The following EPG5 variants were observed in gnomAD, a reference collection of about 807,000 sequenced individuals.
The protein encoded by EPG5 is ectopic P-granules 5 autophagy tethering factor, also known as ectopic P granules protein 5 homolog.
EPG5 carries 159 observed loss-of-function variants against 302.7 expected under a neutral mutation model. The observed-to-expected ratio is 0.53, with a 90% CI of 0.46 to 0.60. The LOEUF (loss-of-function observed/expected upper bound fraction) is 0.60. Among genes scored for constraint, EPG5 ranks in the 20% least tolerant of loss-of-function variants. The pLI is 0.00. For missense variants in EPG5, 2,896 were observed against 3,092.4 expected (o/e 0.94, Z 1.51); for synonymous variants, 1,158 against 1,136.8 (o/e 1.02, Z -0.37).
At chr18:45,887,967 C>T in intron 28 of EPG5, 60 bp from the exon 29 acceptor site, 1 of 1,271,976 alleles carries the variant, frequency 7.9e-7, no homozygotes, top group Middle Eastern at 2.5e-4. Flanking sequence ...CTCACAAGGC[C>T]TTCTTTGATA....
Position 45,909,451 on chromosome 18 carries a change from G to A in EPG5, c.4205+1070C>T, listed in dbSNP as rs189989588. Reference sequence around the variant, plus strand: ...CTGACAGAGAGTCGTAAAAGGTTGAGGGCAAATAAACCTAAGGCCTCAGTG... The same window carrying A: ...CTGACAGAGAGTCGTAAAAGGTTGAAGGCAAATAAACCTAAGGCCTCAGTG... On this transcript the variant is annotated intron_variant, in intron 23 of 43. Transcript: ENST00000282041. 2.2e-3 allele frequency among the ~76,000 whole-genome samples: 340 copies of A among 152,276 alleles called. 1 individual carries two copies. Among genetic ancestry groups the A allele is most frequent in the African/African-American group, 7.8e-3 (323 of 41,574 alleles).
chr18:45,923,220 T>C (rs2145764413), intron 15 of EPG5, 48 bp downstream of exon 15: 1 of 1,597,132 alleles, frequency 6.3e-7, no homozygotes, highest in East Asian at 2.2e-5. Flanking sequence ...TCTAAATGTC[T>C]TGGGAAGATA....
intron 25 of EPG5, among the ~76,000 whole-genome samples, chr18:45,903,447 C>T (rs894985267): frequency 2.6e-5 from 4 of 152,272 alleles, no homozygotes; most frequent in African/African-American, 9.6e-5. Context: ...AGGTATTCTG[C>T]ATTTCTCTGA....
At chr18:45,876,665 T>C (rs2048976851) in intron 34 of EPG5, among the ~76,000 whole-genome samples, 1 of 151,302 alleles carries the variant, frequency 6.6e-6, no homozygotes, top group Admixed American at 6.6e-5. Context: ...TCAAATGCCG[T>C]AGAAAAACAC....
At position 45,939,730 on chromosome 18, in the gene EPG5, G is replaced by T; in HGVS notation, c.1969C>A (p.His657Asn). 3 of 1,613,786 alleles carry T rather than the reference G, an allele frequency of 1.9e-6. No homozygotes were observed. Among genetic ancestry groups the T allele is most frequent in the South Asian group, 2.2e-5 (2 of 91,064 alleles). Residue 657 changes from histidine to asparagine, a missense_variant, in exon 10 of 44, where the codon CAT becomes AAT. Around this residue, in one of 5 missense-constraint regions of EPG5, gnomAD observed 1,390 missense variants for 1,430.0 expected, o/e 0.97. Transcript: ENST00000282041. ...IRMTLGYVSDHWAQYVSHNQG... is the reference protein window; with the variant it reads ...IRMTLGYVSDNWAQYVSHNQG... ...TTATGGCTCACATACTGTGCCCAAT[G>T]GTCACTTACATAACCAAGAGTCATC...
At chr18:45,916,295 A>G in intron 18 of EPG5, 89 bp from the exon 19 acceptor site, 1 of 1,519,242 alleles carries the variant, frequency 6.6e-7, no homozygotes, top group South Asian at 1.3e-5. Context: ...CCTCCACTAC[A>G]AATCCCAAAT....
chr18:45,943,181 C>T lies in EPG5; in HGVS notation c.1923G>A (p.Lys641=). Residue 641 remains lysine (K), a synonymous_variant, in exon 9 of 44, where the codon AAG becomes AAA. Transcript: ENST00000282041. ...FNRARYRQFV[K]RIGYMIRMTL... ...ATTACCTGATCATATAACCAATTCG[C>T]TTCACAAACTGCCTATAGCGTGCTC... The T allele has an allele frequency of 6.2e-7, 1 of 1,614,140 alleles. No individual in the cohort carries two copies. Among genetic ancestry groups the T allele is most frequent in the South Asian group, 1.1e-5 (1 of 91,078 alleles).
At chr18:45,858,864 C>A in intron 40 of EPG5, 82 bp from the exon 41 acceptor site, 1 of 1,113,470 alleles carries the variant, frequency 9.0e-7, no homozygotes, top group South Asian at 1.4e-5. Flanking sequence ...TCACTTTAAG[C>A]TTCATGATTT....
intron 10 of EPG5, among the ~76,000 whole-genome samples, chr18:45,935,916 G>C (rs1368442594): frequency 6.6e-6 from 1 of 152,056 alleles, no homozygotes; most frequent in African/African-American, 2.4e-5. Flanking sequence ...TCCTTCCATG[G>C]GTCAAGCCCT....
At chr18:45,889,334 T>G (rs2049288784) in intron 28 of EPG5, among the ~76,000 whole-genome samples, 1 of 152,166 alleles carries the variant, frequency 6.6e-6, no homozygotes, top group Admixed American at 6.5e-5. Context: ...GAGTCCTAAT[T>G]CCCCTAAATA....
intron 30 of EPG5, among the ~76,000 whole-genome samples, chr18:45,883,754 C>A (rs930027133): frequency 6.7e-6 from 1 of 150,276 alleles, no homozygotes; most frequent in African/African-American, 2.4e-5. Flanking sequence ...CCACTGCACC[C>A]GACCAAAACT....
rs1250419564 is a variant in EPG5, at chr18:45,946,766, T to C, written c.1574A>G (p.Asn525Ser). ...CATGTGGCACATAAACTCAGCTCGA[T>C]TTCTAAAGGACAAGAATAATCACTC... ...SLALLMSPVK[N>S]RAEFMCHMKP... The change falls in exon 7 of 44, where the codon AAT becomes AGT. Residue 525 changes from asparagine to serine, a missense_variant and splice_region_variant. Physicochemically the swap from Asn to Ser is conservative, Grantham distance 46. This residue lies in a region of EPG5 where 1,390 missense variants were observed against 1,430.0 expected (regional missense o/e 0.97). Transcript: ENST00000282041. 1.2e-6 allele frequency: 2 copies of C among 1,614,010 alleles called. No homozygotes were observed. The highest frequency in any genetic ancestry group is 3.3e-5 in the Admixed American group (2 of 60,032).
Position 45,866,851 on chromosome 18 carries a change from G to A in EPG5, c.6568C>T (p.Leu2190Phe), listed in dbSNP as rs1280775043. 81 of 1,614,042 alleles carry A rather than the reference G, an allele frequency of 5.0e-5. No homozygotes were observed. Among genetic ancestry groups the A allele is most frequent in the Non-Finnish European group, 6.6e-5 (78 of 1,180,032 alleles). The change falls in exon 38 of 44, where the codon CTC becomes TTC. Residue 2190 changes from leucine (L) to phenylalanine (F), a missense_variant. Coordinates refer to ENST00000282041, the MANE Select transcript of EPG5 (RefSeq NM_020964.3). ...KESYAELIMKLLKVSAGLSIP... is the reference protein window; with the variant it reads ...KESYAELIMKFLKVSAGLSIP... ...GAAAGGCCCGCAGACACTTTTAGGA[G>A]CTTCATGATTAATTCAGCATAAGAT...
chr18:45,823,012 G>C, the EPG5 span, among the ~76,000 whole-genome samples: 1 of 152,276 alleles, frequency 6.6e-6, no homozygotes, highest in Non-Finnish European at 1.5e-5. Flanking sequence ...CCTAGGTCAA[G>C]GGATATACCT....
At chr18:45,846,755 G>A (rs576159510), downstream of EPG5, among the ~76,000 whole-genome samples, 31 of 152,260 alleles carry the variant, frequency 2.0e-4, no homozygotes, top group African/African-American at 7.2e-4. Flanking sequence ...AAGTAAAAGA[G>A]TAAGAAAATG....
chr18:45,878,919 G>A lies in EPG5; in HGVS notation c.5869+94C>T, dbSNP rs2049028030. 9 of 976,454 alleles carry A rather than the reference G, an allele frequency of 9.2e-6. No individual in the cohort carries two copies. The South Asian group carries it at 1.3e-4, about 14-fold the overall frequency. The allele number at this position is 976,454 out of a possible 1,614,324, so 60.5% of individuals were successfully genotyped here. On this transcript the variant is annotated intron_variant, in intron 33 of 43. Transcript: ENST00000282041. Reference sequence around the variant, plus strand: ...CTATATATTTCTACTTTCTCTCCTTGACACTCAATATAAATCTCTTAATGT... The same window carrying A: ...CTATATATTTCTACTTTCTCTCCTTAACACTCAATATAAATCTCTTAATGT...
Position 45,944,092 on chromosome 18 carries a change from G to T in EPG5, c.1705C>A (p.Leu569Ile). Residue 569 changes from leucine to isoleucine, a missense_variant, in exon 8 of 44, where the codon CTC becomes ATC. Transcript: ENST00000282041. ...GTAACCAAATCATCTTCATTAAGGA[G>T]AATCCAACTGGTCTCAGGGTCTTCA... ...EDEDPETSWI[L>I]LNEDDLVTIL... 1 of 1,613,370 alleles carries T rather than the reference G, an allele frequency of 6.2e-7. No homozygotes were observed. Among genetic ancestry groups the T allele is most frequent in the Non-Finnish European group, 8.5e-7 (1 of 1,179,362 alleles).
At chr18:45,895,444 G>GA (rs34004717) in intron 27 of EPG5, among the ~76,000 whole-genome samples, 2 of 151,610 alleles carry the variant, frequency 1.3e-5, no homozygotes, top group African/African-American at 2.4e-5. Context: ...ACACTCTCCA[G>GA]AAAAAAAAAT....
intron 1 of EPG5, among the ~76,000 whole-genome samples, chr18:45,957,376 A>G (rs1391068631): frequency 6.6e-6 from 1 of 152,178 alleles, no homozygotes; most frequent in East Asian, 1.9e-4. Context: ...CCTCATACAA[A>G]CTACTTTGTT....
Sources: allele counts gnomAD v4.1 joint callset (sites outside exome capture counted in the v4.1 genomes callset), GRCh38; gene constraint gnomAD v4.1.1; regional missense constraint gnomAD v4.1.1; transcripts MANE v1.5; gene names NCBI Gene and HGNC (gene_info 2026-07-23, HGNC 2026-07-21).